SEC31A: variants seen among roughly 807,000 people sequenced by gnomAD.
SEC31A encodes the protein SEC31 homolog A, COPII component.
Under a neutral mutation model 151.0 loss-of-function variants are expected in SEC31A, and 70 were observed. The ratio of observed to expected loss-of-function variants is 0.46; its 90% CI spans 0.38 to 0.57. The LOEUF (loss-of-function observed/expected upper bound fraction) is 0.57. SEC31A is among the 20% of genes least tolerant of loss of function. The pLI, the probability that SEC31A is intolerant of heterozygous loss-of-function variation, is 0.00. For missense variants in SEC31A, 1,330 were observed against 1,471.2 expected, an observed-to-expected ratio of 0.90 and a Z score of 1.57; for synonymous variants, 475 against 505.9, an observed-to-expected ratio of 0.94 and a Z score of 0.82.
At chr4:82,897,848 TTAA>T (rs1340250417) in intron 3 of SEC31A, 1 of 152,234 alleles carries the variant, frequency 6.6e-6, no homozygotes, top group Non-Finnish European at 1.5e-5. Flanking sequence ...AAGTGGACAA[TTAA>T]TGAGATTATA....
chr4:82,862,392 T>G, intron 13 of SEC31A, 142 bp downstream of exon 13: 1 of 608,710 alleles, frequency 1.6e-6, no homozygotes, highest in South Asian at 2.2e-5. Context: ...AAATGAGAAT[T>G]ATTAATTTAT....
At chr4:82,842,561 C>T in intron 21 of SEC31A, 80 bp from the exon 22 acceptor site, 1 of 1,018,992 alleles carries the variant, frequency 9.8e-7, no homozygotes, top group Non-Finnish European at 1.4e-6. Context: ...AAAGTTATCT[C>T]AGTCTATAGA....
At chr4:82,888,478 T>C (rs890468913) in intron 1 of SEC31A, among the ~76,000 whole-genome samples, 1 of 117,112 alleles carries the variant, frequency 8.5e-6, no homozygotes, top group African/African-American at 3.6e-5. Context: ...GATCACGAGG[T>C]CAAGACATCC....
In SEC31A at chr4:82,867,204, G is replaced by T. The variant is rs2149551036; in HGVS notation, c.995C>A (p.Ser332Tyr). The change falls in exon 9 of 27, where the codon TCT becomes TAT. Residue 332 changes from serine to tyrosine, a missense_variant. Physicochemically the swap from Ser to Tyr is moderately radical, Grantham distance 144 (BLOSUM62 -2). Coordinates refer to ENST00000395310, the MANE Select transcript of SEC31A (RefSeq NM_001077207.4). ...ASFDGRISVYSIMGGSTDGLR... is the reference protein window; with the variant it reads ...ASFDGRISVYYIMGGSTDGLR... Reference sequence around the variant, plus strand: ...ACCATCTGTGCTACCTCCCATGATAGAATAAACACTGATACGCCCATCAAA... The same window carrying T: ...ACCATCTGTGCTACCTCCCATGATATAATAAACACTGATACGCCCATCAAA... 1 of 1,613,942 alleles carries T rather than the reference G, an allele frequency of 6.2e-7. No individual in the cohort carries two copies. The highest frequency in any genetic ancestry group is 2.2e-5 in the East Asian group (1 of 44,878).
At chr4:82,839,800 T>TATTAG (rs1234287590) in intron 22 of SEC31A, among the ~76,000 whole-genome samples, 3 of 152,228 alleles carry the variant, frequency 2.0e-5, no homozygotes, top group Non-Finnish European at 2.9e-5. Context: ...GGCTTCCTCT[T>TATTAG]CCTGTTAGTC....
At chr4:82,893,322 G>A (rs1453547026), upstream of SEC31A, 2 of 152,198 alleles carry the variant, frequency 1.3e-5, no homozygotes, top group African/African-American at 4.8e-5. Flanking sequence ...TTCTGCTTTA[G>A]CCACCCAAAG....
chr4:82,841,442 T>TATATATATATATATATA (rs1728733052), intron 22 of SEC31A, among the ~76,000 whole-genome samples: 8 of 64,452 alleles, frequency 1.2e-4, no homozygotes, highest in Non-Finnish European at 7.6e-5. Context: ...AAAAAAAATT[T>TATATATATATATATATA]TATATATATA....
At chr4:82,827,976 G>A (rs958701639) in intron 23 of SEC31A, among the ~76,000 whole-genome samples, 1 of 151,302 alleles carries the variant, frequency 6.6e-6, no homozygotes, top group Non-Finnish European at 1.5e-5. Flanking sequence ...GTGCAATAGC[G>A]CAATCTCAGC....
chr4:82,890,760 C>T (rs1337660891), intron 1 of SEC31A: 15 of 1,200,030 alleles, frequency 1.2e-5, no homozygotes, highest in African/African-American at 1.6e-5. Context: ...CCTCTTTGTG[C>T]ACAAGGGTCT....
At chr4:82,831,681 C>A (rs1476557931) in intron 22 of SEC31A, among the ~76,000 whole-genome samples, 1 of 152,080 alleles carries the variant, frequency 6.6e-6, no homozygotes, top group Non-Finnish European at 1.5e-5. Flanking sequence ...TGGTCTGTAC[C>A]CTGCAGAAAC....
chr4:82,851,511 T>A lies in SEC31A; in HGVS notation c.2248A>T (p.Met750Leu), dbSNP rs1057246852. ...GCCAACAAATTGGCATACTGACTCATCTTCGCAGCCAAGAGAACTCCTACA... is the reference window on the plus strand; with the variant it reads ...GCCAACAAATTGGCATACTGACTCAACTTCGCAGCCAAGAGAACTCCTACA... ...STVGVLLAAK[M>L]SQYANLLAAQ... Residue 750 changes from methionine to leucine, a missense_variant, in exon 19 of 27, where the codon ATG (methionine) becomes TTG (leucine). Transcript: ENST00000395310. 1 of 1,614,054 alleles carries A rather than the reference T, an allele frequency of 6.2e-7. No homozygotes were observed. The highest frequency in any genetic ancestry group is 8.5e-7 in the Non-Finnish European group (1 of 1,180,012).
chr4:82,891,286 G>A, upstream of SEC31A: 9 of 1,094,068 alleles, frequency 8.2e-6, no homozygotes, highest in South Asian at 1.0e-4. Context: ...CGCACAGCCC[G>A]CCACGGCACT....
chr4:82,864,568 C>A lies in SEC31A; in HGVS notation c.1228G>T (p.Val410Phe). The change falls in exon 11 of 27, where the codon GTC (valine) becomes TTC (phenylalanine). Residue 410 changes from valine (V) to phenylalanine (F), a missense_variant. Transcript: ENST00000395310. ...GCTCCCTGATGAGAAGGCATTCTGACATTCTCAAACGTAACCAGTTTGCCT... is the reference window on the plus strand; with the variant it reads ...GCTCCCTGATGAGAAGGCATTCTGAAATTCTCAAACGTAACCAGTTTGCCT... ...FGGKLVTFEN[V>F]RMPSHQGAEQ... 1 of 1,614,050 alleles carries A rather than the reference C, an allele frequency of 6.2e-7. No individual in the cohort carries two copies. The highest frequency in any genetic ancestry group is 8.5e-7 in the Non-Finnish European group (1 of 1,180,014).
chr4:82,889,778 A>G (rs1026561276), intron 1 of SEC31A, among the ~76,000 whole-genome samples: 3 of 152,176 alleles, frequency 2.0e-5, no homozygotes, highest in African/African-American at 7.2e-5. Context: ...TCAAATTTCA[A>G]ATTTCACAAA....
At chr4:82,891,288 C>T, upstream of SEC31A, 1 of 1,088,836 alleles carries the variant, frequency 9.2e-7, no homozygotes, top group Non-Finnish European at 1.3e-6. Flanking sequence ...CACAGCCCGC[C>T]ACGGCACTTC....
At chr4:82,882,883 C>T (rs943083190) in intron 1 of SEC31A, among the ~76,000 whole-genome samples, 1 of 152,116 alleles carries the variant, frequency 6.6e-6, no homozygotes, top group Admixed American at 6.5e-5. Context: ...TTTGGGAGGA[C>T]GAGGCAGTTG....
intron 22 of SEC31A, among the ~76,000 whole-genome samples, chr4:82,839,752 C>A (rs1239384050): frequency 6.6e-6 from 1 of 152,168 alleles, no homozygotes; most frequent in Non-Finnish European, 1.5e-5. Flanking sequence ...ACAAAGCAGA[C>A]AAGCATACTG....
intron 6 of SEC31A, among the ~76,000 whole-genome samples, chr4:82,873,274 C>A (rs1245310614): frequency 6.6e-6 from 1 of 151,794 alleles, no homozygotes; most frequent in Non-Finnish European, 1.5e-5. Context: ...AGGAGAATTG[C>A]CTGAACCCAG....
intron 1 of SEC31A, among the ~76,000 whole-genome samples, chr4:82,889,048 G>A (rs1281421412): frequency 6.6e-6 from 1 of 152,158 alleles, no homozygotes; most frequent in Admixed American, 6.5e-5. Flanking sequence ...ATCTCAATAT[G>A]GATAGAAACA....
Sources: gnomAD v4.1 joint callset for allele counts (sites outside exome capture counted in the v4.1 genomes callset) on GRCh38, gnomAD v4.1.1 for gene constraint, MANE v1.5 for transcripts, NCBI Gene and HGNC (gene_info 2026-07-23, HGNC 2026-07-21) for gene names.